Variants in ACSL3 observed in about 807,000 individuals in gnomAD.
The protein encoded by ACSL3 is fatty acid CoA ligase Acsl3.
A neutral mutation model predicts 84.7 loss-of-function variants in ACSL3; 34 were observed. The observed-to-expected ratio is 0.40, with a 90% CI of 0.31 to 0.53. The LOEUF (loss-of-function observed/expected upper bound fraction) is 0.53. ACSL3 is among the 20% of genes least tolerant of loss of function. The pLI is 0.48. For missense variants in ACSL3, 680 were observed against 873.1 expected, an observed-to-expected ratio of 0.78 and a Z score of 2.79; for synonymous variants, 315 against 299.4, an observed-to-expected ratio of 1.05 and a Z score of -0.54.
At chr2:222,882,312 A>C (rs1022638188) in intron 1 of ACSL3, among the ~76,000 whole-genome samples, 5 of 152,108 alleles carry the variant, frequency 3.3e-5, no homozygotes, top group African/African-American at 1.2e-4. Context: ...TTTCCCTTAA[A>C]ACTTTTAAGG....
At chr2:222,863,562 G>A (rs949519003) in intron 1 of ACSL3, among the ~76,000 whole-genome samples, 2 of 152,204 alleles carry the variant, frequency 1.3e-5, no homozygotes, top group African/African-American at 4.8e-5. Flanking sequence ...GTAAGGGGGA[G>A]TAAGACTCTT....
At chr2:222,925,288 C>T (rs1696848985) in intron 11 of ACSL3, among the ~76,000 whole-genome samples, 4 of 148,508 alleles carry the variant, frequency 2.7e-5, no homozygotes, top group South Asian at 4.2e-4. Flanking sequence ...TGCAGTGAGC[C>T]GAGATCGTGC....
At chr2:222,926,920 C>T (rs753923030) in intron 11 of ACSL3, 97 bp from the exon 12 acceptor site, 1 of 1,339,096 alleles carries the variant, frequency 7.5e-7, no homozygotes, top group Non-Finnish European at 1.0e-6. Context: ...AACTTAATCT[C>T]AAAATCTCTC....
intron 2 of ACSL3, among the ~76,000 whole-genome samples, chr2:222,891,135 A>G (rs1695835775): frequency 6.6e-6 from 1 of 152,200 alleles, no homozygotes; most frequent in Non-Finnish European, 1.5e-5. Context: ...GTAATCCAAT[A>G]GTTCATGTTC....
At chr2:222,902,365 G>A (rs1255701599) in intron 3 of ACSL3, among the ~76,000 whole-genome samples, 2 of 152,168 alleles carry the variant, frequency 1.3e-5, no homozygotes, top group African/African-American at 4.8e-5. Flanking sequence ...AGCGTCCCCT[G>A]AGGCTAATGT....
At chr2:222,939,078 T>G (rs116683461) in intron 16 of ACSL3, among the ~76,000 whole-genome samples, 1,813 of 152,336 alleles carry the variant, frequency 0.012, 8 homozygotes, top group Non-Finnish European at 0.016. Flanking sequence ...ATGACGGTTA[T>G]TTTGAATTTG....
intron 1 of ACSL3, among the ~76,000 whole-genome samples, chr2:222,887,507 C>T (rs528305315): frequency 3.9e-5 from 6 of 152,248 alleles, no homozygotes; most frequent in South Asian, 2.1e-4. Context: ...GTCAAACTTC[C>T]GTAGTGGCTG....
intron 16 of ACSL3, among the ~76,000 whole-genome samples, chr2:222,937,124 A>G (rs1424838930): frequency 2.0e-5 from 3 of 152,210 alleles, no homozygotes; most frequent in African/African-American, 7.2e-5. Context: ...TGTAGTTTTC[A>G]GGGTACAAGT....
At chr2:222,912,201 G>A (rs773077277) in intron 4 of ACSL3, among the ~76,000 whole-genome samples, 2 of 152,218 alleles carry the variant, frequency 1.3e-5, no homozygotes, top group Non-Finnish European at 2.9e-5. Context: ...GTGCAGTGTC[G>A]CTGGTTAGCT....
At chr2:222,883,333 C>T (rs1044020232) in intron 1 of ACSL3, among the ~76,000 whole-genome samples, 7 of 151,678 alleles carry the variant, frequency 4.6e-5, no homozygotes, top group Admixed American at 1.3e-4. Context: ...TACAGGCATG[C>T]GCCACTATGC....
chr2:222,880,209 C>T (rs1381700664), intron 1 of ACSL3, among the ~76,000 whole-genome samples: 1 of 152,228 alleles, frequency 6.6e-6, no homozygotes, highest in South Asian at 2.1e-4. Context: ...GTTTTTTCTT[C>T]TAGATAAATG....
chr2:222,915,163 C>G (rs777735574), intron 4 of ACSL3, among the ~76,000 whole-genome samples: 1 of 152,186 alleles, frequency 6.6e-6, no homozygotes, highest in Admixed American at 6.5e-5. Context: ...TGTCATCTGT[C>G]TTCTAACCCT....
At position 222,921,355 on chromosome 2, in the gene ACSL3, C is replaced by G; in HGVS notation, c.881C>G (p.Pro294Arg). The G allele has an allele frequency of 6.2e-7, 1 of 1,604,098 alleles. No homozygotes were observed. Among genetic ancestry groups the G allele is most frequent in the Non-Finnish European group, 8.5e-7 (1 of 1,171,754 alleles). ...TACACAAGTGGATCCACAGGACTTC[C>G]AAAGGGAGTCATGATCTCACATAGT... ...IMYTSGSTGL[P>R]KGVMISHSNI... The change falls in exon 8 of 17, where the codon CCA becomes CGA. Residue 294 changes from proline (P) to arginine (R), a missense_variant. This residue lies in a region of ACSL3 where 347 missense variants were observed against 525.7 expected (regional missense o/e 0.66). Transcript: ENST00000357430.
chr2:222,904,846 CT>C (rs972672921), intron 3 of ACSL3: 5 of 154,710 alleles, frequency 3.2e-5, no homozygotes, highest in Non-Finnish European at 5.9e-5. Flanking sequence ...CTGCCTGCTT[CT>C]TTGTTTTCAT....
intron 3 of ACSL3, among the ~76,000 whole-genome samples, chr2:222,908,321 T>C (rs1180361548): frequency 1.3e-5 from 2 of 152,218 alleles, no homozygotes; most frequent in African/African-American, 2.4e-5. Context: ...GGTGATTATT[T>C]GGCAGTGGCT....
intron 16 of ACSL3, 35 bp from the exon 17 acceptor site, chr2:222,941,462 C>G (rs767884313): frequency 2.4e-5 from 37 of 1,519,064 alleles, no homozygotes; most frequent in Middle Eastern, 1.8e-4. Context: ...AACTTAAATA[C>G]CTTTTCTTCT....
intron 13 of ACSL3, among the ~76,000 whole-genome samples, chr2:222,929,364 A>C (rs1696963856): frequency 6.6e-6 from 1 of 152,204 alleles, no homozygotes; most frequent in South Asian, 2.1e-4. Flanking sequence ...CTGCAATTCC[A>C]TAGAAGTCTG....
chr2:222,885,166 GGAC>G (rs1464033855), intron 1 of ACSL3, among the ~76,000 whole-genome samples: 2 of 152,126 alleles, frequency 1.3e-5, no homozygotes, highest in African/African-American at 4.8e-5. Flanking sequence ...ATACCTAGTA[GGAC>G]CTGTCACCTT....
intron 1 of ACSL3, among the ~76,000 whole-genome samples, chr2:222,876,336 G>GTT (rs527704439): frequency 6.7e-6 from 1 of 149,886 alleles, no homozygotes. Flanking sequence ...TTGTTTTTTT[G>GTT]TTTTTTTTTG....
Sources: allele counts gnomAD v4.1 joint callset (sites outside exome capture counted in the v4.1 genomes callset), GRCh38; gene constraint gnomAD v4.1.1; regional missense constraint gnomAD v4.1.1; transcripts MANE v1.5; gene names NCBI Gene and HGNC (gene_info 2026-07-23, HGNC 2026-07-21).